KLHL18: variants seen among roughly 807,000 people sequenced by gnomAD.
KLHL18 encodes the protein kelch like family member 18.
Under a neutral mutation model 58.5 loss-of-function variants are expected in KLHL18, and 38 were observed. The observed-to-expected ratio is 0.65, with a 90% CI of 0.50 to 0.85. The LOEUF is 0.85. Among genes scored for constraint, KLHL18 ranks in the 40% least tolerant of loss-of-function variants. The probability of loss-of-function intolerance (pLI) is 0.00; values close to 1 mark genes in which losing one functional copy is unlikely to be tolerated. For missense variants in KLHL18, 624 were observed against 778.4 expected, an observed-to-expected ratio of 0.80 and a Z score of 2.36; for synonymous variants, 303 against 301.9, an observed-to-expected ratio of 1.00 and a Z score of -0.04.
intron 3 of KLHL18, among the ~76,000 whole-genome samples, chr3:47,329,264 G>A (rs1703797765): frequency 6.6e-6 from 1 of 151,854 alleles, no homozygotes; most frequent in South Asian, 2.1e-4. Context: ...GTCTTGCTCT[G>A]TCGCCCAGGC....
chr3:47,324,658 C>T (rs947092402), intron 3 of KLHL18, among the ~76,000 whole-genome samples: 1 of 151,886 alleles, frequency 6.6e-6, no homozygotes, highest in Admixed American at 6.6e-5. Flanking sequence ...CAGAGCAAGA[C>T]CCTGTCTCTA....
chr3:47,315,797 G>A (rs1703407776), intron 1 of KLHL18, among the ~76,000 whole-genome samples: 1 of 152,006 alleles, frequency 6.6e-6, no homozygotes, highest in South Asian at 2.1e-4. Flanking sequence ...GAGAGATAAA[G>A]AAGAAAAAAA....
rs372440290 is a variant in KLHL18, at chr3:47,327,191, A to G, written c.402-2760A>G. On this transcript the variant is annotated intron_variant, in intron 3 of 9. Coordinates refer to ENST00000232766, the MANE Select transcript of KLHL18 (RefSeq NM_025010.5). Reference sequence around the variant, plus strand: ...GAGGCAGAGGTTGCAGTGAGCTGAGATCATGCCGCTGCACTCTAGCCTCGG... The same window carrying G: ...GAGGCAGAGGTTGCAGTGAGCTGAGGTCATGCCGCTGCACTCTAGCCTCGG... 1.1e-4 allele frequency among the ~76,000 whole-genome samples: 17 copies of G among 152,272 alleles called. No individual in the cohort carries two copies. The South Asian group carries it at 3.5e-3, about 32-fold the overall frequency.
At chr3:47,315,944 C>G (rs921149999) in intron 1 of KLHL18, among the ~76,000 whole-genome samples, 2 of 152,028 alleles carry the variant, frequency 1.3e-5, no homozygotes, top group Non-Finnish European at 2.9e-5. Flanking sequence ...AGTATAAAAA[C>G]CTACAACACA....
At chr3:47,302,080 C>T (rs374151204) in intron 1 of KLHL18, among the ~76,000 whole-genome samples, 33 of 152,164 alleles carry the variant, frequency 2.2e-4, no homozygotes, top group African/African-American at 7.5e-4. Flanking sequence ...GGATTACAGG[C>T]GTGAACCTTT....
chr3:47,331,011 C>T (rs996626805), intron 4 of KLHL18, among the ~76,000 whole-genome samples: 2 of 152,070 alleles, frequency 1.3e-5, no homozygotes, highest in African/African-American at 4.8e-5. Flanking sequence ...GGTTTACAGG[C>T]GTGAGCCACT....
intron 9 of KLHL18, 39 bp from the exon 10 acceptor site, chr3:47,343,516 T>G (rs778327707): frequency 3.1e-6 from 5 of 1,610,618 alleles, no homozygotes. Context: ...GAGCTTTGCC[T>G]CTGACTGTCC....
intron 1 of KLHL18, among the ~76,000 whole-genome samples, chr3:47,318,464 C>A (rs779846358): frequency 1.3e-5 from 2 of 152,206 alleles, no homozygotes; most frequent in African/African-American, 2.4e-5. Context: ...ACCATCGTCA[C>A]TTCTGCTATA....
At chr3:47,289,155 C>T (rs1702739286) in intron 1 of KLHL18, among the ~76,000 whole-genome samples, 2 of 152,176 alleles carry the variant, frequency 1.3e-5, no homozygotes, top group South Asian at 2.1e-4. Context: ...GGTCACCAAA[C>T]CTGAGTATTA....
At chr3:47,300,287 T>TTA (rs1207306389) in intron 1 of KLHL18, among the ~76,000 whole-genome samples, 26,754 of 132,824 alleles carry the variant, frequency 0.2, 2,692 homozygotes, top group Middle Eastern at 0.29. Context: ...CACCGGCATT[T>TTA]TATATATATA....
intron 1 of KLHL18, among the ~76,000 whole-genome samples, chr3:47,316,594 C>T (rs1390024388): frequency 4.6e-5 from 5 of 107,680 alleles, no homozygotes; most frequent in African/African-American, 1.6e-4. Context: ...TACATATATA[C>T]GTATATATGT....
chr3:47,328,215 T>C (rs1437761645), intron 3 of KLHL18, among the ~76,000 whole-genome samples: 2 of 151,552 alleles, frequency 1.3e-5, no homozygotes, highest in Admixed American at 6.6e-5. Context: ...AAAACACTTT[T>C]TTTTTTTTTT....
intron 3 of KLHL18, among the ~76,000 whole-genome samples, chr3:47,324,132 G>A: frequency 6.6e-6 from 1 of 152,026 alleles, no homozygotes; most frequent in East Asian, 1.9e-4. Context: ...TGTCCCTGCT[G>A]TGGGATGCCT....
At chr3:47,292,932 A>C (rs1366592174) in intron 1 of KLHL18, among the ~76,000 whole-genome samples, 2 of 151,740 alleles carry the variant, frequency 1.3e-5, no homozygotes, top group African/African-American at 4.8e-5. Context: ...AAGTATATAC[A>C]TACAGTGAAA....
rs767288114 is a variant in KLHL18, at chr3:47,340,658, A to G, written c.1208A>G (p.Tyr403Cys). ...GNSSLSSVET[Y>C]SPETDKWTVV... ...TCTTCCCTCAGCTCCGTGGAGACCT[A>G]CTCACCTGAGACGGACAAGTAAGGA... The change falls in exon 8 of 10, where the codon TAC becomes TGC. Residue 403 changes from tyrosine to cysteine, a missense_variant. Tyr to Cys is a radical substitution (Grantham distance 194). Coordinates refer to ENST00000232766, the MANE Select transcript of KLHL18 (RefSeq NM_025010.5). 6.2e-7 allele frequency: 1 copy of G among 1,613,920 alleles called. No individual in the cohort carries two copies. Among genetic ancestry groups the G allele is most frequent in the South Asian group, 1.1e-5 (1 of 91,070 alleles).
rs144181325 is a variant in KLHL18, at chr3:47,343,198, G to T, written c.1339-357G>T. ...AAATTGTATTTATTCTGTAAAAAAG[G>T]CTCAACAGCCATTTACTAGTCATTC... On this transcript the variant is annotated intron_variant, in intron 9 of 9. Coordinates refer to ENST00000232766, the MANE Select transcript of KLHL18 (RefSeq NM_025010.5). 8.0e-3 allele frequency among the ~76,000 whole-genome samples: 1,214 copies of T among 152,312 alleles called. 5 individuals are homozygous for T. The highest frequency in any genetic ancestry group is 0.013 in the Non-Finnish European group (853 of 68,014).
At position 47,343,899 on chromosome 3, in the gene KLHL18, G is replaced by GGGA. The variant is rs1277285575; in HGVS notation, c.1686_1688dup (p.Gly563dup). On this transcript the variant is annotated inframe_insertion, in exon 10 of 10. Coordinates refer to ENST00000232766, the MANE Select transcript of KLHL18 (RefSeq NM_025010.5). ...TCATGGCCCCCATGGCGTGCCATGA[G>GGGA]GGAGGGGTCGGTGTGGGCTGCATCC... is the stretch of plus-strand genomic sequence containing the variant. 6.8e-6 allele frequency: 11 copies of GGGA among 1,614,014 alleles called. No individual in the cohort carries two copies. The highest frequency in any genetic ancestry group is 9.3e-6 in the Non-Finnish European group (11 of 1,180,016).
At chr3:47,295,483 C>A (rs1702876336) in intron 1 of KLHL18, among the ~76,000 whole-genome samples, 1 of 152,166 alleles carries the variant, frequency 6.6e-6, no homozygotes, top group Admixed American at 6.6e-5. Context: ...AGAGCCGTAT[C>A]CATGCTTCAA....
intron 1 of KLHL18, among the ~76,000 whole-genome samples, chr3:47,300,541 A>G (rs889558326): frequency 6.7e-5 from 10 of 150,224 alleles, no homozygotes; most frequent in Non-Finnish European, 1.3e-4. Flanking sequence ...ACCATGTTAC[A>G]GGCATGAACC....
Sources: gnomAD v4.1 joint callset for allele counts (sites outside exome capture counted in the v4.1 genomes callset) on GRCh38, gnomAD v4.1.1 for gene constraint, MANE v1.5 for transcripts, NCBI Gene and HGNC (gene_info 2026-07-23, HGNC 2026-07-21) for gene names.